NEK7: variants seen among roughly 807,000 people sequenced by gnomAD.
NEK7 encodes serine/threonine-protein kinase Nek7.
In NEK7, 18 loss-of-function variants were observed where a neutral mutation model predicts 44.6. The observed-to-expected ratio is 0.40, with a 90% CI of 0.28 to 0.60. The LOEUF is 0.60. NEK7 is among the 20% of genes least tolerant of loss of function. The pLI is 0.38. For missense variants in NEK7, 256 were observed against 366.5 expected, an observed-to-expected ratio of 0.70 and a Z score of 2.46; for synonymous variants, 130 against 121.1, an observed-to-expected ratio of 1.07 and a Z score of -0.48.
At chr1:198,233,141 A>G (rs1023854839) in intron 2 of NEK7, among the ~76,000 whole-genome samples, 1 of 150,466 alleles carries the variant, frequency 6.6e-6, no homozygotes, top group Admixed American at 6.6e-5. Context: ...GTGCCAGTAC[A>G]TTTTGTACCT....
intron 3 of NEK7, among the ~76,000 whole-genome samples, chr1:198,260,510 C>G (rs1281351143): frequency 6.6e-6 from 1 of 151,206 alleles, no homozygotes; most frequent in African/African-American, 2.4e-5. Context: ...CATGAGTTTA[C>G]TGTGGCTGAC....
intron 4 of NEK7, among the ~76,000 whole-genome samples, chr1:198,263,247 C>T (rs1258507560): frequency 6.6e-6 from 1 of 151,716 alleles, no homozygotes; most frequent in Non-Finnish European, 1.5e-5. Context: ...TTTATGCCAT[C>T]CGTTTGTGTT....
chr1:198,160,295 C>G (rs1571490015), intron 1 of NEK7, among the ~76,000 whole-genome samples: 1 of 150,912 alleles, frequency 6.6e-6, no homozygotes, highest in African/African-American at 2.4e-5. Context: ...AAATTTCTTT[C>G]AGGTTTTGTT....
intron 1 of NEK7, among the ~76,000 whole-genome samples, chr1:198,202,723 A>G (rs1281840976): frequency 6.6e-6 from 1 of 152,192 alleles, no homozygotes; most frequent in Non-Finnish European, 1.5e-5. Flanking sequence ...TTATAAGACC[A>G]TCAGATTTTG....
chr1:198,251,266 G>A (rs953139094), intron 2 of NEK7, among the ~76,000 whole-genome samples: 1 of 151,874 alleles, frequency 6.6e-6, no homozygotes, highest in African/African-American at 2.4e-5. Context: ...TGTGCTGCTG[G>A]ATTCGGTTTG....
At chr1:198,294,840 C>A (rs986191853) in intron 8 of NEK7, among the ~76,000 whole-genome samples, 17 of 152,050 alleles carry the variant, frequency 1.1e-4, no homozygotes, top group Admixed American at 9.8e-4. Flanking sequence ...CCATGCAAAT[C>A]TTTTAGAAGA....
At chr1:198,298,806 G>T (rs1381439196) in intron 9 of NEK7, among the ~76,000 whole-genome samples, 1 of 152,210 alleles carries the variant, frequency 6.6e-6, no homozygotes, top group Non-Finnish European at 1.5e-5. Context: ...CATGGTAGCT[G>T]ATTAGGAGAT....
intron 1 of NEK7, among the ~76,000 whole-genome samples, chr1:198,201,121 T>G (rs1012988409): frequency 3.9e-5 from 6 of 152,352 alleles, no homozygotes; most frequent in Middle Eastern, 6.8e-3. Flanking sequence ...TAATTTCTAC[T>G]TTTGTTTTTT....
At chr1:198,204,486 G>A (rs1165493956) in intron 1 of NEK7, among the ~76,000 whole-genome samples, 2 of 152,066 alleles carry the variant, frequency 1.3e-5, no homozygotes, top group African/African-American at 2.4e-5. Flanking sequence ...TTGGGAGGCC[G>A]AGGCAGGCGG....
chr1:198,228,879 C>T (rs1419442091), intron 1 of NEK7, among the ~76,000 whole-genome samples: 2 of 152,148 alleles, frequency 1.3e-5, no homozygotes, highest in Non-Finnish European at 2.9e-5. Context: ...TGCCTGATTG[C>T]CCTGGCCAGA....
At chr1:198,304,766 A>G (rs1654979249) in intron 9 of NEK7, among the ~76,000 whole-genome samples, 2 of 152,172 alleles carry the variant, frequency 1.3e-5, no homozygotes, top group Admixed American at 1.3e-4. Flanking sequence ...ATCGAAATGT[A>G]TTAGTATTTT....
intron 1 of NEK7, among the ~76,000 whole-genome samples, chr1:198,196,626 G>A (rs976472617): frequency 3.9e-5 from 6 of 152,072 alleles, no homozygotes; most frequent in African/African-American, 1.2e-4. Flanking sequence ...GTGATTCTTC[G>A]AACTTTTTCT....
rs188376690 is a variant in NEK7, at chr1:198,272,755, G to A, written c.373-5206G>A. Among the ~76,000 whole-genome samples, 9 of 147,424 alleles carry A rather than the reference G, an allele frequency of 6.1e-5. No individual in the cohort carries two copies. In the East Asian group the frequency reaches 1.6e-3, roughly 25 times the overall value. Reference sequence around the variant, plus strand: ...AATTATTCACATGGCAGCAATGCAGGGACCATTCTTTTTAGTAATTCTGAT... The same window carrying A: ...AATTATTCACATGGCAGCAATGCAGAGACCATTCTTTTTAGTAATTCTGAT... On this transcript the variant is annotated intron_variant, in intron 5 of 9. Transcript: ENST00000367385.
At position 198,197,691 on chromosome 1, in the gene NEK7, G is replaced by A. The variant is rs1218137980; in HGVS notation, c.-28-34862G>A. The A allele has an allele frequency of 6.5e-6, 3 of 461,166 alleles. No individual in the cohort carries two copies. In the East Asian group the frequency reaches 1.5e-4, roughly 23 times the overall value. The allele number at this position is 461,166 out of a possible 1,614,324, so 28.6% of individuals were successfully genotyped here. A position where few individuals can be genotyped will look rare whatever the true frequency, so the allele number is the denominator to read the frequency against. On this transcript the variant is annotated intron_variant, in intron 1 of 9. Coordinates refer to ENST00000367385, the MANE Select transcript of NEK7 (RefSeq NM_133494.3). ...GGGGGTAGGGGTGGGGAGCCCAAGGGCTACTTTCCCCTGGTACAATATGGC... is the reference window on the plus strand; with the variant it reads ...GGGGGTAGGGGTGGGGAGCCCAAGGACTACTTTCCCCTGGTACAATATGGC...
chr1:198,256,464 A>C (rs777772304), intron 3 of NEK7: 1 of 1,600,358 alleles, frequency 6.2e-7, no homozygotes, highest in Non-Finnish European at 8.5e-7. Flanking sequence ...CCTGTATCCC[A>C]TCATGGTTCA....
At chr1:198,281,421 A>T (rs1401690891) in intron 7 of NEK7, among the ~76,000 whole-genome samples, 1 of 151,990 alleles carries the variant, frequency 6.6e-6, no homozygotes, top group Admixed American at 6.6e-5. Flanking sequence ...TTTACTGAGG[A>T]TACAATCTAT....
Position 198,297,198 on chromosome 1 carries a change from G to C in NEK7, c.756G>C (p.Gln252His). 2 of 1,613,598 alleles carry C rather than the reference G, an allele frequency of 1.2e-6. No individual in the cohort carries two copies. The highest frequency in any genetic ancestry group is 1.7e-6 in the Non-Finnish European group (2 of 1,179,728). The change falls in exon 9 of 10, where the codon CAG (glutamine) becomes CAC (histidine). Residue 252 changes from glutamine (Q) to histidine (H), a missense_variant. By Grantham distance (24) the Gln-to-His change is conservative (BLOSUM62 0). Coordinates refer to ENST00000367385, the MANE Select transcript of NEK7 (RefSeq NM_133494.3). Reference protein sequence around the residue: ...NLYSLCKKIEQCDYPPLPSDH... With the variant: ...NLYSLCKKIEHCDYPPLPSDH... Reference sequence around the variant, plus strand: ...ACTCACTGTGTAAGAAGATAGAACAGTGTGACTACCCACCTCTTCCTTCAG... The same window carrying C: ...ACTCACTGTGTAAGAAGATAGAACACTGTGACTACCCACCTCTTCCTTCAG...
At chr1:198,194,266 G>T (rs962524148) in intron 1 of NEK7, among the ~76,000 whole-genome samples, 3 of 151,218 alleles carry the variant, frequency 2.0e-5, no homozygotes, top group Non-Finnish European at 4.4e-5. Flanking sequence ...TTGTCTTCTG[G>T]AATTTCTAGC....
At chr1:198,250,845 C>A (rs1325582608) in intron 2 of NEK7, among the ~76,000 whole-genome samples, 1 of 150,826 alleles carries the variant, frequency 6.6e-6, no homozygotes, top group East Asian at 1.9e-4. Context: ...ATTTGACTTC[C>A]TCTTTTCCTA....
Sources: gnomAD v4.1 joint callset for allele counts (sites outside exome capture counted in the v4.1 genomes callset) on GRCh38, gnomAD v4.1.1 for gene constraint, MANE v1.5 for transcripts, NCBI Gene and HGNC (gene_info 2026-07-23, HGNC 2026-07-21) for gene names.